IPO11: variants seen among roughly 807,000 people sequenced by gnomAD.
The protein encoded by IPO11 is importin 11, also known as importin-11.
In IPO11, 66 loss-of-function variants were observed where a neutral mutation model predicts 143.2. That is an observed-to-expected ratio of 0.46 (90% CI 0.38 to 0.57). IPO11 has a LOEUF of 0.57. IPO11 is among the 20% of genes least tolerant of loss of function. The pLI is 0.00. For synonymous variants in IPO11, 385 were observed against 377.8 expected (o/e 1.02, Z -0.22); for missense variants, 1,026 against 1,141.0 (o/e 0.90, Z 1.45).
chr5:62,496,304 A>G (rs1286352445), intron 16 of IPO11, among the ~76,000 whole-genome samples: 1 of 152,060 alleles, frequency 6.6e-6, no homozygotes, highest in East Asian at 1.9e-4. Context: ...AAAGAAAAAA[A>G]AAAAGAAGTA....
chr5:62,431,934 C>CACATACATACATACATACAT (rs57913836), intron 1 of IPO11, among the ~76,000 whole-genome samples: 271 of 148,686 alleles, frequency 1.8e-3, no homozygotes, highest in African/African-American at 5.2e-3. Context: ...GAGCAAGACT[C>CACATACATACATACATACAT]ACATACATAC....
chr5:62,530,810 TAATGTTTTTG>T, intron 22 of IPO11, 25 bp downstream of exon 22: 4 of 1,554,652 alleles, frequency 2.6e-6, no homozygotes, highest in Non-Finnish European at 3.5e-6. Flanking sequence ...ATAAACTTAC[TAATGTTTTTG>T]AATGCAACCA....
intron 27 of IPO11, among the ~76,000 whole-genome samples, chr5:62,568,398 AT>A (rs1188689211): frequency 6.6e-6 from 1 of 150,816 alleles, no homozygotes; most frequent in Non-Finnish European, 1.5e-5. Context: ...TTTCCGTTTG[AT>A]TTTTTGAAAA....
intron 3 of IPO11, among the ~76,000 whole-genome samples, chr5:62,449,098 A>G (rs926997445): frequency 4.6e-5 from 7 of 152,148 alleles, no homozygotes; most frequent in South Asian, 2.1e-4. Context: ...CAGTGGTGCA[A>G]TCATAGCTCA....
intron 27 of IPO11, chr5:62,581,444 T>C (rs930190166): frequency 2.7e-6 from 2 of 747,512 alleles, no homozygotes; most frequent in African/African-American, 3.7e-5. Context: ...ATGTTTTTAA[T>C]AATTTGTGAA....
intron 4 of IPO11, among the ~76,000 whole-genome samples, chr5:62,450,798 G>T (rs1744893465): frequency 1.3e-5 from 2 of 151,134 alleles, no homozygotes; most frequent in African/African-American, 2.4e-5. Flanking sequence ...TTTATATTGA[G>T]GTCTTCTAAG....
chr5:62,485,444 T>C lies in IPO11; in HGVS notation c.1200T>C (p.Ser400=). ...CAGTGGAAGAAACAGGAGGAGATTC[T>C]TGGAAATATAGTTTGAGGGTAAGTA... ...GFTVEETGGD[S]WKYSLRPCTE... is the part of the protein sequence containing the mutation. Residue 400 remains serine (S), a synonymous_variant, in exon 12 of 30, where the codon TCT becomes TCC. Transcript: ENST00000325324. The C allele has an allele frequency of 6.2e-7, 1 of 1,609,498 alleles. No homozygotes were observed. Among genetic ancestry groups the C allele is most frequent in the East Asian group, 2.2e-5 (1 of 44,806 alleles).
At chr5:62,490,379 G>A (rs933848614) in intron 15 of IPO11, among the ~76,000 whole-genome samples, 159 bp downstream of exon 15, 3 of 152,168 alleles carry the variant, frequency 2.0e-5, no homozygotes, top group African/African-American at 7.2e-5. Flanking sequence ...TGACATCTAG[G>A]AAGTATTTGA....
intron 27 of IPO11, among the ~76,000 whole-genome samples, chr5:62,587,769 T>G (rs1440999135): frequency 6.6e-6 from 1 of 152,148 alleles, no homozygotes; most frequent in African/African-American, 2.4e-5. Context: ...TATAAGCACT[T>G]TCCTTGTGGA....
chr5:62,561,814 T>C (rs1012762337), intron 27 of IPO11: 3 of 152,178 alleles, frequency 2.0e-5, no homozygotes, highest in Admixed American at 1.3e-4. Flanking sequence ...TTTTGTGGAG[T>C]TCGGCATGAA....
intron 27 of IPO11, chr5:62,562,134 G>A (rs1229340582): frequency 6.6e-6 from 1 of 152,290 alleles, no homozygotes; most frequent in Non-Finnish European, 1.5e-5. Flanking sequence ...ATGCACTTAT[G>A]AATGTTGGTG....
intron 1 of IPO11, among the ~76,000 whole-genome samples, chr5:62,429,449 A>G (rs1178840417): frequency 1.3e-5 from 2 of 152,080 alleles, no homozygotes; most frequent in South Asian, 4.1e-4. Context: ...ACAGAGTCTC[A>G]CTGTGTGGCC....
chr5:62,547,933 C>T (rs1743261640), intron 24 of IPO11, among the ~76,000 whole-genome samples: 1 of 152,008 alleles, frequency 6.6e-6, no homozygotes, highest in Non-Finnish European at 1.5e-5. Flanking sequence ...AGACACCTGT[C>T]TTTCTGCCAT....
intron 7 of IPO11, among the ~76,000 whole-genome samples, chr5:62,470,769 C>T (rs542788950): frequency 2.3e-4 from 34 of 145,538 alleles, no homozygotes; most frequent in Admixed American, 1.5e-3. Flanking sequence ...GTCAATAAAT[C>T]GATCATAAGT....
At chr5:62,451,660 G>A in intron 4 of IPO11, 70 bp from the exon 5 acceptor site, 2 of 1,130,066 alleles carry the variant, frequency 1.8e-6, no homozygotes, top group Admixed American at 1.9e-5. Context: ...AATTAACAAG[G>A]TGATTTGTCA....
chr5:62,444,408 T>A (rs1159112454), intron 3 of IPO11, among the ~76,000 whole-genome samples: 1 of 151,998 alleles, frequency 6.6e-6, no homozygotes, highest in Non-Finnish European at 1.5e-5. Flanking sequence ...ATTTTTTACA[T>A]AGGATTAATT....
chr5:62,483,868 A>T, intron 10 of IPO11, 142 bp from the exon 11 acceptor site: 1 of 667,860 alleles, frequency 1.5e-6, no homozygotes, highest in South Asian at 2.1e-5. Context: ...TATCTTTGAG[A>T]TTTGTTTATA....
intron 7 of IPO11, among the ~76,000 whole-genome samples, chr5:62,471,544 C>T (rs773489523): frequency 4.6e-5 from 7 of 151,968 alleles, no homozygotes; most frequent in Admixed American, 1.3e-4. Context: ...TTATAAATAT[C>T]CTTGAAGACA....
At chr5:62,514,397 C>G (rs1282755584) in intron 19 of IPO11, among the ~76,000 whole-genome samples, 16 of 152,124 alleles carry the variant, frequency 1.1e-4, no homozygotes, top group African/African-American at 3.9e-4. Context: ...GGAGACCAGT[C>G]TGGCCAACAC....
Sources: gnomAD v4.1 joint callset for allele counts (sites outside exome capture counted in the v4.1 genomes callset) on GRCh38, gnomAD v4.1.1 for gene constraint, MANE v1.5 for transcripts, NCBI Gene and HGNC (gene_info 2026-07-23, HGNC 2026-07-21) for gene names.